Variants in LRP1B observed in about 807,000 individuals in gnomAD.
LRP1B encodes low-density lipoprotein receptor-related protein 1B.
LRP1B carries 217 observed loss-of-function variants against 556.6 expected under a neutral mutation model. That is an observed-to-expected ratio of 0.39 (90% CI 0.35 to 0.44). The LOEUF (loss-of-function observed/expected upper bound fraction) is 0.44, where lower values mean the gene tolerates loss of function less well. Among genes scored for constraint, LRP1B ranks in the 20% least tolerant of loss-of-function variants. The pLI is 1.00. For synonymous variants in LRP1B, 2,047 were observed against 1,865.8 expected (o/e 1.10, Z -2.50); for missense variants, 5,053 against 5,620.8 (o/e 0.90, Z 3.23).
intron 7 of LRP1B, among the ~76,000 whole-genome samples, chr2:141,123,267 A>T (rs149957295): frequency 0.024 from 3,628 of 151,668 alleles, 75 homozygotes; most frequent in Middle Eastern, 0.041. Flanking sequence ...AATAAATAAA[A>T]AAAAGAAAGT....
intron 41 of LRP1B, among the ~76,000 whole-genome samples, chr2:140,660,127 C>T (rs1192322899): frequency 6.6e-6 from 1 of 150,520 alleles, no homozygotes; most frequent in African/African-American, 2.5e-5. Context: ...TCACTAATGT[C>T]CCACTCCTTC....
intron 49 of LRP1B, among the ~76,000 whole-genome samples, 193 bp from the exon 50 acceptor site, chr2:140,517,204 C>T (rs772429171): frequency 7.9e-5 from 12 of 151,958 alleles, no homozygotes; most frequent in Non-Finnish European, 1.6e-4. Flanking sequence ...GAACAGAGAC[C>T]CATGAGACAT....
chr2:141,306,592 T>C (rs1458617818), intron 3 of LRP1B, among the ~76,000 whole-genome samples: 1 of 152,142 alleles, frequency 6.6e-6, no homozygotes, highest in African/African-American at 2.4e-5. Context: ...TTTCACTTTG[T>C]AGACAGTTTG....
At chr2:141,637,612 C>T (rs1446547067) in intron 2 of LRP1B, among the ~76,000 whole-genome samples, 1 of 152,192 alleles carries the variant, frequency 6.6e-6, no homozygotes, top group East Asian at 1.9e-4. Context: ...TTTGCACTGC[C>T]TTGAATCACA....
intron 2 of LRP1B, among the ~76,000 whole-genome samples, chr2:141,639,345 T>C (rs796845746): frequency 0.6 from 37,341 of 62,440 alleles, 11,078 homozygotes; most frequent in Middle Eastern, 0.74. Flanking sequence ...TATATATATA[T>C]ATATACACAC....
chr2:141,218,122 A>G (rs1428192924), intron 6 of LRP1B, among the ~76,000 whole-genome samples: 1 of 152,308 alleles, frequency 6.6e-6, no homozygotes, highest in East Asian at 1.9e-4. Flanking sequence ...ACACTCATAC[A>G]CTGTTGGTGG....
At chr2:140,435,972 TTCTC>T (rs879455930) in intron 66 of LRP1B, among the ~76,000 whole-genome samples, 1 of 150,308 alleles carries the variant, frequency 6.7e-6, no homozygotes, top group African/African-American at 2.4e-5. Flanking sequence ...CTCTCTTCCT[TTCTC>T]TCTCTCTCTC....
intron 1 of LRP1B, among the ~76,000 whole-genome samples, chr2:142,035,985 G>A (rs1703863475): frequency 6.6e-6 from 1 of 151,498 alleles, no homozygotes; most frequent in Non-Finnish European, 1.5e-5. Flanking sequence ...TTCTCTTGTT[G>A]CCACCATGTA....
intron 33 of LRP1B, among the ~76,000 whole-genome samples, chr2:140,773,567 T>C (rs773465815): frequency 1.4e-4 from 21 of 151,926 alleles, no homozygotes; most frequent in Non-Finnish European, 2.9e-4. Flanking sequence ...TGGGGCTGTA[T>C]ATTTTTAATA....
At position 140,440,077 on chromosome 2, in the gene LRP1B, A is replaced by G. The variant is rs548660842; in HGVS notation, c.10414+2427T>C. On this transcript the variant is annotated intron_variant, in intron 66 of 90. Transcript: ENST00000389484. ...ATATGTCAAGGTAGAACAAACTACA[A>G]TGTTCGGACTTTAGAAATGAAATAT... Among the ~76,000 whole-genome samples the G allele has an allele frequency of 3.3e-5, 5 of 152,278 alleles. No individual in the cohort carries two copies. The South Asian group carries it at 8.3e-4, about 25-fold the overall frequency.
At chr2:140,748,586 A>AGTGT (rs1457857347) in intron 35 of LRP1B, among the ~76,000 whole-genome samples, 16 of 51,446 alleles carry the variant, frequency 3.1e-4, no homozygotes, top group South Asian at 8.0e-4. Flanking sequence ...ATACATATAC[A>AGTGT]GTGTGTATAT....
intron 1 of LRP1B, among the ~76,000 whole-genome samples, chr2:141,952,197 C>A (rs756356718): frequency 6.6e-6 from 1 of 151,742 alleles, no homozygotes; most frequent in Non-Finnish European, 1.5e-5. Context: ...TTTTTTATGG[C>A]TGCATAATAT....
chr2:140,655,659 G>A (rs2105329434), intron 41 of LRP1B, among the ~76,000 whole-genome samples: 1 of 152,230 alleles, frequency 6.6e-6, no homozygotes, highest in African/African-American at 2.4e-5. Flanking sequence ...TAAAAGAATA[G>A]GCGCCAGGCG....
intron 13 of LRP1B, 107 bp from the exon 14 acceptor site, chr2:141,013,852 A>G (rs1405288372): frequency 1.7e-6 from 1 of 579,410 alleles, no homozygotes; most frequent in Non-Finnish European, 2.7e-6. Context: ...ATAATCTCAT[A>G]TCTTAACTCA....
intron 43 of LRP1B, among the ~76,000 whole-genome samples, chr2:140,556,426 T>C (rs1431252803): frequency 6.6e-6 from 1 of 152,038 alleles, no homozygotes; most frequent in Non-Finnish European, 1.5e-5. Flanking sequence ...TCTAGTATAT[T>C]ACTATTAGAT....
At position 140,847,622 on chromosome 2, in the gene LRP1B, C is replaced by T. The variant is rs2105111445; in HGVS notation, c.4939+2480G>A. On this transcript the variant is annotated intron_variant, in intron 29 of 90. Transcript: ENST00000389484. ...TCTCTACTAAAAACACAAAAATTAG[C>T]CAGGCATGGTGGTGTGCACCTATAA... Among the ~76,000 whole-genome samples the T allele has an allele frequency of 1.3e-5, 2 of 152,086 alleles. 1 individual carries two copies. Among genetic ancestry groups the T allele is most frequent in the South Asian group, 4.1e-4 (2 of 4,820 alleles).
chr2:140,590,246 A>T (rs1682161354), intron 43 of LRP1B, among the ~76,000 whole-genome samples: 1 of 126,054 alleles, frequency 7.9e-6, no homozygotes, highest in Non-Finnish European at 1.7e-5. Flanking sequence ...GTGTATATAT[A>T]TATACATAAT....
At chr2:141,594,783 GTTAATAT>G (rs1559164060) in intron 2 of LRP1B, among the ~76,000 whole-genome samples, 1 of 151,788 alleles carries the variant, frequency 6.6e-6, no homozygotes, top group Non-Finnish European at 1.5e-5. Context: ...AATTTTTTGA[GTTAATAT>G]TTAGATTGTT....
At chr2:141,187,782 T>C (rs1681322650) in intron 7 of LRP1B, among the ~76,000 whole-genome samples, 1 of 151,950 alleles carries the variant, frequency 6.6e-6, no homozygotes, top group South Asian at 2.1e-4. Flanking sequence ...AATGAGTCTA[T>C]TAGCTAAAGA....
Sources: gnomAD v4.1 joint callset for allele counts (sites outside exome capture counted in the v4.1 genomes callset) on GRCh38, gnomAD v4.1.1 for gene constraint, MANE v1.5 for transcripts, NCBI Gene and HGNC (gene_info 2026-07-23, HGNC 2026-07-21) for gene names.